Variants in RBFOX1 observed in about 807,000 individuals in gnomAD.
The protein encoded by RBFOX1 is RNA binding protein fox-1 homolog 1.
In RBFOX1, 8 loss-of-function variants were observed where a neutral mutation model predicts 57.7. That is an observed-to-expected ratio of 0.14 (90% CI 0.08 to 0.25). RBFOX1 has a LOEUF of 0.25. Among genes scored for constraint, RBFOX1 ranks in the 10% least tolerant of loss-of-function variants. The pLI, the probability that RBFOX1 is intolerant of heterozygous loss-of-function variation, is 1.00. For missense variants in RBFOX1, 611 were observed against 548.5 expected, an observed-to-expected ratio of 1.11 and a Z score of -1.14; for synonymous variants, 326 against 222.4, an observed-to-expected ratio of 1.47 and a Z score of -4.15.
chr16:5,486,062 A>C (rs908635913), intron 2 of RBFOX1, among the ~76,000 whole-genome samples: 6 of 152,168 alleles, frequency 3.9e-5, no homozygotes, highest in African/African-American at 1.4e-4. Context: ...TCTAATTTTG[A>C]CAATTCTTTT....
chr16:7,028,807 C>G (rs1324850353), intron 3 of RBFOX1, among the ~76,000 whole-genome samples: 1 of 150,838 alleles, frequency 6.6e-6, no homozygotes, highest in South Asian at 2.1e-4. Context: ...CATTGGCGAT[C>G]AACAAAGCCA....
At chr16:7,590,863 G>GAAAAAAAA in intron 7 of RBFOX1, among the ~76,000 whole-genome samples, 1 of 102,926 alleles carries the variant, frequency 9.7e-6, no homozygotes, top group Non-Finnish European at 1.9e-5. Context: ...CTGTCTCTAA[G>GAAAAAAAA]AAAAAAAAAA....
At chr16:6,259,822 C>A (rs1289631686) in intron 1 of RBFOX1, among the ~76,000 whole-genome samples, 2 of 151,754 alleles carry the variant, frequency 1.3e-5, no homozygotes, top group African/African-American at 4.8e-5. Context: ...GTAGCCAGGC[C>A]TGGTGGTGCA....
rs571303006 is a variant in RBFOX1 at position 5,565,197 on chromosome 16, C to G, written c.259-33705C>G. Among the ~76,000 whole-genome samples, 6 of 152,256 alleles carry G rather than the reference C, an allele frequency of 3.9e-5. No homozygotes were observed. The South Asian group carries it at 8.3e-4, about 21-fold the overall frequency. On this transcript the variant is annotated intron_variant, in intron 2 of 2. Coordinates refer to the RBFOX1 transcript ENST00000585867. ...CCAGGGTTCAGAACTAATAAGGTGC[C>G]TTTTCCTTACCTTTTGCTAAGCTAT... is the stretch of plus-strand genomic sequence containing the variant.
intron 2 of RBFOX1, among the ~76,000 whole-genome samples, chr16:5,476,124 C>T (rs550747713): frequency 2.4e-4 from 37 of 152,242 alleles, no homozygotes; most frequent in African/African-American, 8.2e-4. Flanking sequence ...AGACCAGCAC[C>T]ACTCACGTTT....
chr16:7,425,274 T>C (rs545865557), intron 4 of RBFOX1, among the ~76,000 whole-genome samples: 83 of 152,242 alleles, frequency 5.5e-4, no homozygotes, highest in African/African-American at 2.0e-3. Flanking sequence ...AGAAGTGGGG[T>C]TTAATTTTTT....
At chr16:6,253,665 GT>G (rs1182948373) in intron 1 of RBFOX1, among the ~76,000 whole-genome samples, 96 of 122,168 alleles carry the variant, frequency 7.9e-4, no homozygotes, top group Non-Finnish European at 3.1e-4. Flanking sequence ...ATAGATGTGT[GT>G]GTGTGTGCAT....
At chr16:5,461,814 CATTA>C (rs1336487609) in intron 1 of RBFOX1, among the ~76,000 whole-genome samples, 1 of 152,158 alleles carries the variant, frequency 6.6e-6, no homozygotes, top group African/African-American at 2.4e-5. Context: ...TCTCTGAGCT[CATTA>C]ATTGTCTTTC....
intron 4 of RBFOX1, among the ~76,000 whole-genome samples, chr16:7,067,535 CTTTT>C (rs1380951645): frequency 6.7e-6 from 1 of 149,344 alleles, no homozygotes; most frequent in African/African-American, 2.5e-5. Flanking sequence ...TTTTTGTTTT[CTTTT>C]TTTATTTTAT....
chr16:7,313,929 T>C (rs2096379628), intron 4 of RBFOX1, among the ~76,000 whole-genome samples: 1 of 152,178 alleles, frequency 6.6e-6, no homozygotes, highest in African/African-American at 2.4e-5. Context: ...GGTTCCTGCG[T>C]TGGAAGAATA....
intron 2 of RBFOX1, among the ~76,000 whole-genome samples, chr16:6,550,385 C>T (rs2096967858): frequency 6.6e-6 from 1 of 152,154 alleles, no homozygotes; most frequent in African/African-American, 2.4e-5. Context: ...CCATGTTGAC[C>T]AGGCTGGTCT....
chr16:6,932,085 TTTG>T (rs1004877218), intron 3 of RBFOX1, among the ~76,000 whole-genome samples: 45 of 152,146 alleles, frequency 3.0e-4, no homozygotes, highest in African/African-American at 6.0e-4. Flanking sequence ...CATCTTGGTT[TTTG>T]TTGTTGTTGT....
At chr16:6,910,502 A>G (rs892380947) in intron 3 of RBFOX1, among the ~76,000 whole-genome samples, 2 of 152,218 alleles carry the variant, frequency 1.3e-5, no homozygotes, top group Non-Finnish European at 2.9e-5. Context: ...TTAATCACTC[A>G]AACAACCTAC....
At chr16:7,245,407 G>A (rs1177302518) in intron 4 of RBFOX1, among the ~76,000 whole-genome samples, 2 of 151,808 alleles carry the variant, frequency 1.3e-5, no homozygotes, top group African/African-American at 4.8e-5. Flanking sequence ...GTTGTTTGCT[G>A]TACCTATCAA....
At chr16:6,827,234 T>G (rs1273601987) in intron 3 of RBFOX1, among the ~76,000 whole-genome samples, 1 of 152,082 alleles carries the variant, frequency 6.6e-6, no homozygotes, top group Non-Finnish European at 1.5e-5. Context: ...TTTAATCTCA[T>G]TTTCTCCTAA....
intron 3 of RBFOX1, among the ~76,000 whole-genome samples, chr16:6,999,884 C>A (rs931349925): frequency 4.6e-5 from 7 of 151,928 alleles, no homozygotes; most frequent in African/African-American, 1.2e-4. Flanking sequence ...GCAGCCTGAG[C>A]AACATGGTGA....
At position 6,434,467 on chromosome 16, in the gene RBFOX1, C is replaced by G. The variant is rs2094181510; in HGVS notation, c.-64+117410C>G. Among the ~76,000 whole-genome samples, 3 of 152,314 alleles carry G rather than the reference C, an allele frequency of 2.0e-5. 1 individual carries two copies. In the South Asian group the frequency reaches 6.2e-4, roughly 32 times the overall value. ...CCCCCGTGCCTGACTCTCCCTTAGT[C>G]TTGAGCTGAAAGCCCTCATTTGTGA... On this transcript the variant is annotated intron_variant, in intron 2 of 15. Transcript: ENST00000550418.
At chr16:7,069,521 A>T (rs572272968) in intron 4 of RBFOX1, among the ~76,000 whole-genome samples, 1 of 152,194 alleles carries the variant, frequency 6.6e-6, no homozygotes, top group African/African-American at 2.4e-5. Flanking sequence ...TGCAAAAGAC[A>T]TGATAGTGTG....
At chr16:6,674,474 A>C (rs964582897) in intron 3 of RBFOX1, among the ~76,000 whole-genome samples, 1 of 152,058 alleles carries the variant, frequency 6.6e-6, no homozygotes, top group African/African-American at 2.4e-5. Context: ...GGCACCTGTC[A>C]CCATGCCCGG....
Sources: allele counts gnomAD v4.1 joint callset (sites outside exome capture counted in the v4.1 genomes callset), GRCh38; gene constraint gnomAD v4.1.1; transcripts MANE v1.5; gene names NCBI Gene and HGNC (gene_info 2026-07-23, HGNC 2026-07-21).